The following GALC variants were observed in gnomAD, a reference collection of about 807,000 sequenced individuals.
The protein encoded by GALC is galactocerebrosidase.
In GALC, 77 loss-of-function variants were observed where a neutral mutation model predicts 91.8. The observed-to-expected ratio is 0.84, with a 90% CI of 0.70 to 1.01. GALC has a LOEUF of 1.01. Ranked by LOEUF, GALC falls within the 50% of genes least tolerant of loss-of-function variation. The pLI, the probability that GALC is intolerant of heterozygous loss-of-function variation, is 0.00. For missense variants in GALC, 882 were observed against 855.9 expected (o/e 1.03, Z -0.38); for synonymous variants, 357 against 306.7 (o/e 1.16, Z -1.71).
intron 7 of GALC, among the ~76,000 whole-genome samples, chr14:87,975,911 AG>A (rs1886473446): frequency 6.6e-6 from 1 of 152,204 alleles, no homozygotes; most frequent in South Asian, 2.1e-4. Context: ...AATAAAGAGT[AG>A]GCATCAAAAC....
At chr14:87,944,288 T>A (rs1294048082) in intron 14 of GALC, among the ~76,000 whole-genome samples, 3 of 151,672 alleles carry the variant, frequency 2.0e-5, no homozygotes, top group Non-Finnish European at 4.4e-5. Flanking sequence ...TAAGATTGAG[T>A]TTGAGTTTAG....
intron 10 of GALC, among the ~76,000 whole-genome samples, chr14:87,955,628 G>C (rs1194574716): frequency 6.6e-6 from 1 of 152,030 alleles, no homozygotes; most frequent in Non-Finnish European, 1.5e-5. Context: ...AACTATACAT[G>C]ATAATGGATT....
At chr14:87,946,060 C>T (rs962924712) in intron 13 of GALC, among the ~76,000 whole-genome samples, 3 of 151,924 alleles carry the variant, frequency 2.0e-5, no homozygotes, top group African/African-American at 7.2e-5. Flanking sequence ...ATTTAACTGC[C>T]CTGCATCTAA....
At chr14:87,992,935 C>A in intron 1 of GALC, 35 bp downstream of exon 1, 2 of 1,496,470 alleles carry the variant, frequency 1.3e-6, no homozygotes, top group Non-Finnish European at 1.8e-6. Context: ...CGGGCTCTTG[C>A]CGCCCCCCGC....
Position 87,970,257 on chromosome 14 carries a change from T to C in GALC, c.753-1767A>G, listed in dbSNP as rs188947563. ...ATGTTTGGTGTATTTGGTTAAAATA[T>C]ATTTCTATATTAAAGAAAACACTGT... On this transcript the variant is annotated intron_variant, in intron 7 of 16. Coordinates refer to ENST00000261304, the MANE Select transcript of GALC (RefSeq NM_000153.4). Among the ~76,000 whole-genome samples, 134 of 152,296 alleles carry C rather than the reference T, an allele frequency of 8.8e-4. 2 individuals are homozygous for C. The Middle Eastern group carries it at 0.014, about 16-fold the overall frequency.
intron 14 of GALC, among the ~76,000 whole-genome samples, chr14:87,941,958 A>G (rs968984321): frequency 2.4e-5 from 3 of 127,458 alleles, no homozygotes; most frequent in Non-Finnish European, 5.3e-5. Flanking sequence ...TTCCATCAAC[A>G]AAGAGAGGCA....
chr14:87,940,770 G>A (rs149269457), intron 15 of GALC, among the ~76,000 whole-genome samples: 1 of 152,000 alleles, frequency 6.6e-6, no homozygotes, highest in African/African-American at 2.4e-5. Context: ...TCAAGAGACT[G>A]AGAATCAAGA....
intron 5 of GALC, among the ~76,000 whole-genome samples, chr14:87,983,127 C>T (rs915152833): frequency 9.9e-5 from 15 of 152,036 alleles, no homozygotes; most frequent in South Asian, 4.1e-4. Context: ...ATCACGAGGT[C>T]AGGAGTTTGA....
At chr14:87,954,718 G>A in intron 10 of GALC, 6 of 1,554,608 alleles carry the variant, frequency 3.9e-6, no homozygotes, top group Admixed American at 1.7e-5. Context: ...CAGCTCAGAA[G>A]ATAGCTCTAA....
intron 12 of GALC, among the ~76,000 whole-genome samples, chr14:87,948,200 C>T (rs912062240): frequency 3.9e-5 from 6 of 152,046 alleles, no homozygotes; most frequent in South Asian, 2.1e-4. Context: ...TGGATATATT[C>T]GATACATGCA....
At chr14:87,941,583 TACTCTTTAA>T in intron 14 of GALC, 25 bp from the exon 15 acceptor site, 2 of 1,445,160 alleles carry the variant, frequency 1.4e-6, no homozygotes, top group Middle Eastern at 3.5e-4. Context: ...GGTTGATTAG[TACTCTTTAA>T]AATATGCCCT....
At chr14:87,987,110 C>T (rs1887008862) in intron 3 of GALC, 2 of 440,406 alleles carry the variant, frequency 4.5e-6, no homozygotes, top group African/African-American at 2.1e-5. Flanking sequence ...TACATATCCA[C>T]TCTAAAAATA....
intron 10 of GALC, among the ~76,000 whole-genome samples, chr14:87,956,589 T>TATATATAC (rs1462282904): frequency 8.2e-6 from 1 of 122,390 alleles, no homozygotes; most frequent in Non-Finnish European, 1.7e-5. Context: ...ACACACCATA[T>TATATATAC]ATATACACAC....
intron 6 of GALC, among the ~76,000 whole-genome samples, chr14:87,980,131 C>T (rs1273615784): frequency 6.6e-6 from 1 of 152,232 alleles, no homozygotes; most frequent in Non-Finnish European, 1.5e-5. Context: ...GCCTGTAATC[C>T]CAGCACTTTG....
At chr14:87,943,761 A>T (rs146915846) in intron 14 of GALC, among the ~76,000 whole-genome samples, 1 of 152,070 alleles carries the variant, frequency 6.6e-6, no homozygotes, top group Non-Finnish European at 1.5e-5. Flanking sequence ...ATAAGTGGGC[A>T]CAGCAGCCAG....
At chr14:87,983,864 C>T (rs939808900) in intron 5 of GALC, among the ~76,000 whole-genome samples, 9 of 152,178 alleles carry the variant, frequency 5.9e-5, no homozygotes, top group African/African-American at 1.9e-4. Flanking sequence ...AATTTTACAA[C>T]TTGAGAGCTA....
intron 10 of GALC, chr14:87,954,334 G>T: frequency 1.2e-6 from 2 of 1,600,392 alleles, no homozygotes; most frequent in South Asian, 2.2e-5. Flanking sequence ...TACAGTTATA[G>T]AGGACAGAAG....
At chr14:87,955,438 T>C (rs746590513) in intron 10 of GALC, among the ~76,000 whole-genome samples, 16 of 152,076 alleles carry the variant, frequency 1.1e-4, no homozygotes, top group Non-Finnish European at 1.8e-4. Flanking sequence ...AGGCAATATG[T>C]AGCAGATCCC....
Position 87,941,564 on chromosome 14 carries a change from A to G in GALC, c.1671-6T>C. 1.9e-6 allele frequency: 3 copies of G among 1,551,606 alleles called. No individual in the cohort carries two copies. The highest frequency in any genetic ancestry group is 2.7e-6 in the Non-Finnish European group (3 of 1,123,338). On this transcript the variant is annotated splice_region_variant and splice_polypyrimidine_tract_variant and intron_variant, in intron 14 of 16. Transcript: ENST00000261304. ...ACTTTATAGTCAGATTGGTCCTGCAAAATAAAACGGTTGATTAGTACTCTT... is the reference window on the plus strand; with the variant it reads ...ACTTTATAGTCAGATTGGTCCTGCAGAATAAAACGGTTGATTAGTACTCTT...
Sources: gnomAD v4.1 joint callset for allele counts (sites outside exome capture counted in the v4.1 genomes callset) on GRCh38, gnomAD v4.1.1 for gene constraint, MANE v1.5 for transcripts, NCBI Gene and HGNC (gene_info 2026-07-23, HGNC 2026-07-21) for gene names.